TENM2: variants seen among roughly 807,000 people sequenced by gnomAD.
The protein encoded by TENM2 is teneurin-2.
A neutral mutation model predicts 245.2 loss-of-function variants in TENM2; 52 were observed. The observed-to-expected ratio is 0.21, with a 90% CI of 0.17 to 0.27. The LOEUF is 0.27. Among genes scored for constraint, TENM2 ranks in the 10% least tolerant of loss-of-function variants. TENM2 has a pLI of 1.00. For missense variants in TENM2, 3,046 were observed against 3,666.8 expected (o/e 0.83, Z 4.37); for synonymous variants, 1,363 against 1,438.9 (o/e 0.95, Z 1.19).
chr5:167,768,977 G>T (rs1202199832), intron 2 of TENM2, among the ~76,000 whole-genome samples: 1 of 152,104 alleles, frequency 6.6e-6, no homozygotes, highest in Admixed American at 6.6e-5. Context: ...TCTGTTTTTG[G>T]TATCAAAAAT....
intron 5 of TENM2, among the ~76,000 whole-genome samples, chr5:168,033,808 C>A (rs1198392909): frequency 2.0e-5 from 3 of 151,992 alleles, no homozygotes; most frequent in Non-Finnish European, 4.4e-5. Flanking sequence ...GGGCAGATCA[C>A]TTGAGGTCAG....
intron 1 of TENM2, among the ~76,000 whole-genome samples, chr5:167,361,918 C>G (rs1441898698): frequency 6.6e-6 from 1 of 152,192 alleles, no homozygotes; most frequent in Non-Finnish European, 1.5e-5. Flanking sequence ...TATAGCACCA[C>G]TCACCCCATG....
chr5:168,043,442 T>C (rs1294909017), intron 5 of TENM2, among the ~76,000 whole-genome samples: 3 of 152,150 alleles, frequency 2.0e-5, no homozygotes, highest in Non-Finnish European at 4.4e-5. Flanking sequence ...TATGATGATA[T>C]CACATTTACA....
chr5:168,050,151 T>C (rs905860367), intron 6 of TENM2, among the ~76,000 whole-genome samples: 1 of 152,292 alleles, frequency 6.6e-6, no homozygotes, highest in Admixed American at 6.5e-5. Flanking sequence ...ATTTTGTCAA[T>C]AGAATACTCA....
the TENM2 span, among the ~76,000 whole-genome samples, chr5:167,104,832 C>T: frequency 3.9e-5 from 6 of 152,102 alleles, no homozygotes; most frequent in African/African-American, 1.2e-4. Context: ...TATATGGAAT[C>T]TGAAAAATAT....
At chr5:166,994,034 G>C in the TENM2 span, among the ~76,000 whole-genome samples, 1 of 151,520 alleles carries the variant, frequency 6.6e-6, no homozygotes, top group Non-Finnish European at 1.5e-5. Context: ...CATTATGTCT[G>C]TGTGTACATA....
intron 15 of TENM2, among the ~76,000 whole-genome samples, chr5:168,198,449 G>A (rs1338422575): frequency 6.6e-6 from 1 of 152,116 alleles, no homozygotes; most frequent in African/African-American, 2.4e-5. Flanking sequence ...ACTCACCTCA[G>A]CCTCACAAAG....
intron 2 of TENM2, among the ~76,000 whole-genome samples, chr5:167,553,654 C>T (rs775537193): frequency 4.6e-5 from 7 of 152,172 alleles, no homozygotes; most frequent in Non-Finnish European, 1.0e-4. Flanking sequence ...CTTTCAGGAT[C>T]AGCATGCCTT....
chr5:167,596,318 A>G (rs768715831), intron 2 of TENM2, among the ~76,000 whole-genome samples: 1 of 152,186 alleles, frequency 6.6e-6, no homozygotes, highest in Non-Finnish European at 1.5e-5. Context: ...AGTCGGAAGC[A>G]GGAGGCCTGG....
At chr5:168,040,799 T>G (rs1009930761) in intron 5 of TENM2, among the ~76,000 whole-genome samples, 2 of 152,124 alleles carry the variant, frequency 1.3e-5, no homozygotes, top group African/African-American at 4.8e-5. Context: ...TGCACTCAAC[T>G]GCATCCCCAA....
intron 2 of TENM2, among the ~76,000 whole-genome samples, chr5:167,645,392 G>A (rs887217771): frequency 3.3e-5 from 5 of 152,086 alleles, no homozygotes; most frequent in African/African-American, 1.2e-4. Context: ...AAGGAAGGGT[G>A]GAGGAGGAAA....
intron 2 of TENM2, among the ~76,000 whole-genome samples, chr5:167,604,487 C>A (rs569747136): frequency 8.5e-5 from 13 of 152,174 alleles, no homozygotes; most frequent in African/African-American, 2.4e-4. Flanking sequence ...GCTTAATCAC[C>A]GTTAATCTTT....
At chr5:167,747,113 A>C (rs149102199) in intron 2 of TENM2, among the ~76,000 whole-genome samples, 2 of 152,318 alleles carry the variant, frequency 1.3e-5, no homozygotes, top group Non-Finnish European at 2.9e-5. Flanking sequence ...TGTCAGGAGC[A>C]GAAGGTGATG....
chr5:167,545,135 A>G (rs1322832852), intron 2 of TENM2, among the ~76,000 whole-genome samples: 1 of 152,158 alleles, frequency 6.6e-6, no homozygotes, highest in African/African-American at 2.4e-5. Context: ...CCTGGGTTTG[A>G]ACTGAGGATT....
the TENM2 span, among the ~76,000 whole-genome samples, chr5:167,044,319 T>C: frequency 1.3e-5 from 2 of 152,184 alleles, no homozygotes; most frequent in African/African-American, 2.4e-5. Context: ...TCCAGCATCT[T>C]GACTTATATG....
At chr5:168,163,298 G>A (rs1757916060) in intron 13 of TENM2, among the ~76,000 whole-genome samples, 1 of 152,136 alleles carries the variant, frequency 6.6e-6, no homozygotes, top group Non-Finnish European at 1.5e-5. Context: ...ACCAGTAGTT[G>A]GCAAACTATG....
At chr5:167,840,818 G>C (rs116171182) in intron 2 of TENM2, among the ~76,000 whole-genome samples, 1,534 of 152,232 alleles carry the variant, frequency 0.01, 25 homozygotes, top group African/African-American at 0.033. Flanking sequence ...AACAATGTGT[G>C]GTCTATAATA....
At chr5:167,197,550 T>C in the TENM2 span, among the ~76,000 whole-genome samples, 1 of 152,184 alleles carries the variant, frequency 6.6e-6, no homozygotes, top group South Asian at 2.1e-4. Context: ...TCAAAATCTG[T>C]TTTCATTGTA....
At chr5:167,006,935 G>C in the TENM2 span, among the ~76,000 whole-genome samples, 6 of 152,128 alleles carry the variant, frequency 3.9e-5, no homozygotes, top group African/African-American at 1.4e-4. Context: ...CGAAAGTGCT[G>C]GGGTGTATTA....
Sources: allele counts gnomAD v4.1 joint callset (sites outside exome capture counted in the v4.1 genomes callset), GRCh38; gene constraint gnomAD v4.1.1; transcripts MANE v1.5; gene names NCBI Gene and HGNC (gene_info 2026-07-23, HGNC 2026-07-21).